ITGB8: variants seen among roughly 807,000 people sequenced by gnomAD.
ITGB8 encodes the protein integrin subunit beta 8.
In ITGB8, 30 loss-of-function variants were observed where a neutral mutation model predicts 89.5. The ratio of observed to expected loss-of-function variants is 0.34; its 90% CI spans 0.25 to 0.45. The LOEUF is 0.45. Ranked by LOEUF, ITGB8 falls within the 20% of genes least tolerant of loss-of-function variation. The pLI, the probability that ITGB8 is intolerant of heterozygous loss-of-function variation, is 1.00. For missense variants in ITGB8, 836 were observed against 933.3 expected, an observed-to-expected ratio of 0.90 and a Z score of 1.36; for synonymous variants, 335 against 320.4, an observed-to-expected ratio of 1.05 and a Z score of -0.49.
intron 2 of ITGB8, chr7:20,365,671 TAATA>T (rs1390983103): frequency 2.0e-5 from 3 of 152,290 alleles, no homozygotes; most frequent in Admixed American, 1.3e-4. Context: ...TTGCCTGCAT[TAATA>T]ACATAACCTC....
At chr7:20,391,660 A>C (rs781580898) in intron 7 of ITGB8, among the ~76,000 whole-genome samples, 162 bp downstream of exon 7, 1 of 152,218 alleles carries the variant, frequency 6.6e-6, no homozygotes, top group Non-Finnish European at 1.5e-5. Context: ...GTCTTAACTT[A>C]GCATTTAAGC....
rs960807320 is a variant in ITGB8 at position 20,415,716 on chromosome 7, T to C, written c.*5719T>C. On this transcript the variant is annotated 3_prime_UTR_variant, in exon 14 of 14. Transcript: ENST00000222573. ...GTTTAGTAGTAGGTGTTAATCAATA[T>C]GAAATTCTCTGTTTTAAAATAAAAA... 2.0e-5 allele frequency: 3 copies of C among 152,512 alleles called. No individual in the cohort carries two copies. The highest frequency in any genetic ancestry group is 7.2e-5 in the African/African-American group (3 of 41,448). 9.4% of individuals were successfully genotyped at this position (152,512 alleles called of 1,614,324 possible). A position where few individuals can be genotyped will look rare whatever the true frequency, so the allele number is the denominator to read the frequency against.
rs759011850 is a variant in ITGB8 at position 20,410,027 on chromosome 7, C to G, written c.*30C>G. 1.3e-6 allele frequency: 2 copies of G among 1,590,778 alleles called. No individual in the cohort carries two copies. Among genetic ancestry groups the G allele is most frequent in the African/African-American group, 1.4e-5 (1 of 73,522 alleles). Reference sequence around the variant, plus strand: ...AGATTTTTAAACACTTAATGGGAAACTGGAATTGTTAATAATTGCTCCTAA... The same window carrying G: ...AGATTTTTAAACACTTAATGGGAAAGTGGAATTGTTAATAATTGCTCCTAA... On this transcript the variant is annotated 3_prime_UTR_variant, in exon 14 of 14. Coordinates refer to ENST00000222573, the MANE Select transcript of ITGB8 (RefSeq NM_002214.3).
chr7:20,335,997 TTTC>T (rs1784559800), intron 1 of ITGB8, among the ~76,000 whole-genome samples: 2 of 104,402 alleles, frequency 1.9e-5, no homozygotes, highest in African/African-American at 7.6e-5. Context: ...CAGTCTTGGT[TTTC>T]TTTTTTTTTT....
chr7:20,331,369 G>A lies in ITGB8; in HGVS notation c.-438G>A, dbSNP rs888570007. On this transcript the variant is annotated 5_prime_UTR_variant, in exon 1 of 14. Coordinates refer to ENST00000222573, the MANE Select transcript of ITGB8 (RefSeq NM_002214.3). ...TCACCCAGTGAATGTACATTAGGGT[G>A]GTTTCCCCCCCAGCTTCGGGCTTTG... 119 of 397,752 alleles carry A rather than the reference G, an allele frequency of 3.0e-4. 7 individuals carry two copies. Among genetic ancestry groups the A allele is most frequent in the Non-Finnish European group, 3.5e-5 (8 of 226,504 alleles). 24.6% of individuals were successfully genotyped at this position (397,752 alleles called of 1,614,324 possible).
chr7:20,386,604 T>G (rs1047451745), intron 6 of ITGB8, among the ~76,000 whole-genome samples: 7 of 151,930 alleles, frequency 4.6e-5, no homozygotes, highest in African/African-American at 1.7e-4. Flanking sequence ...ATTTGAATGC[T>G]TCTCATATTC....
chr7:20,398,728 C>A, intron 8 of ITGB8, 132 bp from the exon 9 acceptor site: 1 of 526,904 alleles, frequency 1.9e-6, no homozygotes, highest in Non-Finnish European at 3.1e-6. Context: ...TGTTTTTATT[C>A]ATCCTTTTAT....
intron 1 of ITGB8, among the ~76,000 whole-genome samples, chr7:20,354,831 A>C (rs1236067487): frequency 2.0e-5 from 3 of 152,258 alleles, no homozygotes; most frequent in Non-Finnish European, 4.4e-5. Flanking sequence ...CATCATCATT[A>C]CAAGAGAAGG....
At chr7:20,342,756 A>C (rs727340) in intron 1 of ITGB8, among the ~76,000 whole-genome samples, 80,397 of 151,342 alleles carry the variant, frequency 0.53, 22,021 homozygotes, top group South Asian at 0.72. Context: ...GTTCAAGACC[A>C]AAGGAATCAA....
rs1270988614 is a variant in ITGB8, at chr7:20,411,785, C to T, written c.*1788C>T. On this transcript the variant is annotated 3_prime_UTR_variant, in exon 14 of 14. Coordinates refer to ENST00000222573, the MANE Select transcript of ITGB8 (RefSeq NM_002214.3). ...TCTTAAGAGACTGAAGTATGGCATA[C>T]CTACAGGGGAATTCCTTCGCACCAT... The T allele has an allele frequency of 1.3e-5, 2 of 152,240 alleles. No individual in the cohort carries two copies. Among genetic ancestry groups the T allele is most frequent in the Non-Finnish European group, 2.9e-5 (2 of 68,030 alleles). 9.4% of individuals were successfully genotyped at this position (152,240 alleles called of 1,614,324 possible). A position where few individuals can be genotyped will look rare whatever the true frequency, so the allele number is the denominator to read the frequency against.
intron 3 of ITGB8, among the ~76,000 whole-genome samples, chr7:20,377,661 G>GGATGA (rs1331844415): frequency 6.6e-6 from 1 of 152,166 alleles, no homozygotes; most frequent in Non-Finnish European, 1.5e-5. Flanking sequence ...TGAAGGCAAG[G>GGATGA]GATGAGAGAA....
Position 20,412,679 on chromosome 7 carries a change from T to C in ITGB8, c.*2682T>C, listed in dbSNP as rs1343425425. On this transcript the variant is annotated 3_prime_UTR_variant, in exon 14 of 14. Coordinates refer to ENST00000222573, the MANE Select transcript of ITGB8 (RefSeq NM_002214.3). ...GGTTATGCTTGCAAAGTCTTGTGCT[T>C]ATCTTTTTTGTTTTTACTTAAAAAG... 1 of 152,634 alleles carries C rather than the reference T, an allele frequency of 6.6e-6. No homozygotes were observed. The highest frequency in any genetic ancestry group is 6.5e-5 in the Admixed American group (1 of 15,280). The allele number at this position is 152,634 out of a possible 1,614,324, so 9.5% of individuals were successfully genotyped here. A position where few individuals can be genotyped will look rare whatever the true frequency, so the allele number is the denominator to read the frequency against.
intron 7 of ITGB8, among the ~76,000 whole-genome samples, chr7:20,391,736 A>T (rs891623708): frequency 6.6e-6 from 1 of 152,206 alleles, no homozygotes; most frequent in African/African-American, 2.4e-5. Flanking sequence ...TATTGGATAC[A>T]CTTGAGTCCA....
intron 3 of ITGB8, among the ~76,000 whole-genome samples, chr7:20,374,795 T>C (rs1331759017): frequency 6.6e-6 from 1 of 152,228 alleles, no homozygotes; most frequent in African/African-American, 2.4e-5. Context: ...GTAAGTATTA[T>C]GTAGGAACTT....
intron 1 of ITGB8, among the ~76,000 whole-genome samples, chr7:20,340,368 C>T (rs373617154): frequency 6.6e-6 from 1 of 152,012 alleles, no homozygotes; most frequent in East Asian, 1.9e-4. Flanking sequence ...ATGGAAGAGA[C>T]CGAGTTTGGA....
Position 20,409,692 on chromosome 7 carries a change from G to C in ITGB8, c.2101G>C (p.Val701Leu). ...TACATTCTTGATTGGGTTGCTTAAAGTCCTGATCATTAGACAGGTGATACT... is the reference window on the plus strand; with the variant it reads ...TACATTCTTGATTGGGTTGCTTAAACTCCTGATCATTAGACAGGTGATACT... ...IVTFLIGLLK[V>L]LIIRQVILQW... is the part of the protein sequence containing the mutation. Residue 701 changes from valine (V) to leucine (L), a missense_variant, in exon 13 of 14, where the codon GTC becomes CTC. Transcript: ENST00000222573. 3.7e-6 allele frequency: 6 copies of C among 1,610,408 alleles called. No individual in the cohort carries two copies. The highest frequency in any genetic ancestry group is 5.1e-6 in the Non-Finnish European group (6 of 1,177,280).
At chr7:20,337,880 A>T (rs7799420) in intron 1 of ITGB8, among the ~76,000 whole-genome samples, 1 of 152,170 alleles carries the variant, frequency 6.6e-6, no homozygotes, top group African/African-American at 2.4e-5. Flanking sequence ...ACAGCCTCAG[A>T]CTACTTTTAT....
chr7:20,366,201 T>G (rs1435098197), intron 2 of ITGB8: 1 of 152,230 alleles, frequency 6.6e-6, no homozygotes, highest in East Asian at 1.9e-4. Flanking sequence ...TCTTGAAGAA[T>G]TCCCTTCCTC....
chr7:20,337,456 C>A (rs372217342), intron 1 of ITGB8, among the ~76,000 whole-genome samples: 1 of 151,646 alleles, frequency 6.6e-6, no homozygotes, highest in African/African-American at 2.4e-5. Flanking sequence ...AAAATAACAA[C>A]GATTAAGTTT....
Sources: allele counts gnomAD v4.1 joint callset (sites outside exome capture counted in the v4.1 genomes callset), GRCh38; gene constraint gnomAD v4.1.1; transcripts MANE v1.5; gene names NCBI Gene and HGNC (gene_info 2026-07-23, HGNC 2026-07-21).